Variants in RANBP17 observed in about 807,000 individuals in gnomAD.
RANBP17 encodes the protein ran-binding protein 17.
A neutral mutation model predicts 141.2 loss-of-function variants in RANBP17; 158 were observed. That is an observed-to-expected ratio of 1.12 (90% CI 0.98 to 1.28). The LOEUF is 1.28. Ranked by LOEUF, RANBP17 falls within the 50% of genes most tolerant of loss-of-function variation. The pLI, the probability that RANBP17 is intolerant of heterozygous loss-of-function variation, is 0.00. For missense variants in RANBP17, 1,438 were observed against 1,290.7 expected (o/e 1.11, Z -1.75); for synonymous variants, 430 against 450.0 (o/e 0.96, Z 0.56).
intron 12 of RANBP17, among the ~76,000 whole-genome samples, chr5:170,939,983 A>G (rs531731620): frequency 6.6e-6 from 1 of 152,336 alleles, no homozygotes; most frequent in East Asian, 1.9e-4. Flanking sequence ...TTAAAAGCCA[A>G]GAAAGGAAAA....
At chr5:171,075,023 C>T (rs750098370) in intron 14 of RANBP17, among the ~76,000 whole-genome samples, 16 of 152,026 alleles carry the variant, frequency 1.1e-4, no homozygotes, top group East Asian at 3.9e-4. Context: ...TTTATGCCGG[C>T]GGCTGCAAAA....
At chr5:170,942,762 C>T (rs1774430803) in intron 12 of RANBP17, among the ~76,000 whole-genome samples, 1 of 152,042 alleles carries the variant, frequency 6.6e-6, no homozygotes. Context: ...TATATGTTTT[C>T]ATATATATCA....
At chr5:170,913,864 ACT>A (rs1013405234) in intron 7 of RANBP17, among the ~76,000 whole-genome samples, 4 of 152,010 alleles carry the variant, frequency 2.6e-5, no homozygotes, top group African/African-American at 9.7e-5. Context: ...ACTTTTTGAT[ACT>A]GTTTGAATTC....
chr5:171,106,486 C>G (rs1212363594), intron 14 of RANBP17, among the ~76,000 whole-genome samples: 3 of 152,088 alleles, frequency 2.0e-5, no homozygotes. Flanking sequence ...CACTATATAG[C>G]CCACCAGTTA....
intron 21 of RANBP17, 89 bp downstream of exon 21, chr5:171,213,827 C>G: frequency 1.0e-6 from 1 of 959,326 alleles, no homozygotes; most frequent in Non-Finnish European, 1.7e-6. Context: ...TTGTGTCTTT[C>G]CAAGGTAGTT....
chr5:171,198,637 C>G (rs148331134), intron 18 of RANBP17, among the ~76,000 whole-genome samples: 301 of 152,324 alleles, frequency 2.0e-3, no homozygotes, highest in Non-Finnish European at 3.2e-3. Flanking sequence ...GGAACCTGGG[C>G]ATTTACATCT....
Position 171,221,856 on chromosome 5 carries a change from C to T in RANBP17, c.2422+16C>T, listed in dbSNP as rs1308822422. 5.1e-6 allele frequency: 7 copies of T among 1,383,700 alleles called. No homozygotes were observed. The highest frequency in any genetic ancestry group is 4.6e-5 in the East Asian group (2 of 43,748). 85.7% of individuals were successfully genotyped at this position (1,383,700 alleles called of 1,614,324 possible). On this transcript the variant is annotated intron_variant, in intron 22 of 27. Transcript: ENST00000523189. ...TGCACTTATGGTGAGTGTCCTTTTC[C>T]ATATGTGCCTCTGCAATATAGTTTT...
chr5:171,095,372 T>C (rs187931230), intron 14 of RANBP17, among the ~76,000 whole-genome samples: 7 of 152,302 alleles, frequency 4.6e-5, no homozygotes, highest in Admixed American at 4.6e-4. Flanking sequence ...GAAGAGAGGA[T>C]CACAACAGGT....
chr5:171,103,664 G>C (rs942929707), intron 14 of RANBP17, among the ~76,000 whole-genome samples: 2 of 152,018 alleles, frequency 1.3e-5, no homozygotes, highest in African/African-American at 4.8e-5. Context: ...AAAAAACCCT[G>C]CAGCTAGCTA....
intron 18 of RANBP17, among the ~76,000 whole-genome samples, chr5:171,195,210 A>C (rs990578095): frequency 6.6e-6 from 1 of 152,222 alleles, no homozygotes; most frequent in Non-Finnish European, 1.5e-5. Context: ...GAAAAAAACT[A>C]ACAGCTTCAA....
intron 21 of RANBP17, among the ~76,000 whole-genome samples, chr5:171,216,161 T>C (rs927264030): frequency 1.3e-5 from 2 of 152,066 alleles, no homozygotes; most frequent in Non-Finnish European, 2.9e-5. Flanking sequence ...AATAGGAGAT[T>C]TTTTCTCCAT....
chr5:171,151,999 G>C (rs901335247), intron 14 of RANBP17, among the ~76,000 whole-genome samples: 1 of 152,264 alleles, frequency 6.6e-6, no homozygotes, highest in African/African-American at 2.4e-5. Flanking sequence ...ATTCAAGAAT[G>C]TGAAGAATAG....
At position 171,290,367 on chromosome 5, in the gene RANBP17, C is replaced by CAA. The variant is rs535661442; in HGVS notation, c.2944-3503_2944-3502dup. On this transcript the variant is annotated intron_variant, in intron 25 of 27. Coordinates refer to ENST00000523189, the MANE Select transcript of RANBP17 (RefSeq NM_022897.5). ...TGGGCAACAGAGTAAGACTCCGTCT[C>CAA]AAAAAAAAAAAAAAGAAAGAAAGAA... 4.8e-3 allele frequency among the ~76,000 whole-genome samples: 494 copies of CAA among 102,638 alleles called. 3 individuals carry two copies. Among genetic ancestry groups the CAA allele is most frequent in the African/African-American group, 0.018 (476 of 27,128 alleles). 67.3% of individuals were successfully genotyped at this position (102,638 alleles called of 152,430 possible).
At chr5:171,271,891 A>G (rs1767138640) in intron 25 of RANBP17, among the ~76,000 whole-genome samples, 1 of 152,206 alleles carries the variant, frequency 6.6e-6, no homozygotes, top group Non-Finnish European at 1.5e-5. Flanking sequence ...AAGAAAAATA[A>G]TATTGGCAAA....
chr5:170,876,843 CA>C (rs147428687), intron 1 of RANBP17, among the ~76,000 whole-genome samples: 1,521 of 152,076 alleles, frequency 0.01, 61 homozygotes, highest in East Asian at 0.08. Context: ...CTAGAAAGGA[CA>C]AAAAAATTGC....
chr5:170,905,446 A>T (rs74721566), intron 5 of RANBP17, among the ~76,000 whole-genome samples: 1 of 152,150 alleles, frequency 6.6e-6, no homozygotes, highest in East Asian at 1.9e-4. Flanking sequence ...AGCCATGTGC[A>T]TAAAAAAATA....
intron 14 of RANBP17, among the ~76,000 whole-genome samples, chr5:170,986,514 A>G (rs1020526660): frequency 6.6e-6 from 1 of 151,938 alleles, no homozygotes; most frequent in African/African-American, 2.4e-5. Context: ...CCTGATGTTT[A>G]TTACACACTG....
At chr5:171,053,919 ATATAT>A (rs1783159998) in intron 14 of RANBP17, among the ~76,000 whole-genome samples, 2 of 43,408 alleles carry the variant, frequency 4.6e-5, no homozygotes, top group African/African-American at 1.2e-4. Context: ...ATATATATAT[ATATAT>A]AATTGCTGTA....
intron 12 of RANBP17, among the ~76,000 whole-genome samples, chr5:170,930,107 A>C (rs1444896124): frequency 2.0e-5 from 3 of 151,840 alleles, no homozygotes; most frequent in Non-Finnish European, 2.9e-5. Flanking sequence ...TTAGAGAACT[A>C]TTTTTAGTTT....
Sources: allele counts gnomAD v4.1 joint callset (sites outside exome capture counted in the v4.1 genomes callset), GRCh38; gene constraint gnomAD v4.1.1; transcripts MANE v1.5; gene names NCBI Gene and HGNC (gene_info 2026-07-23, HGNC 2026-07-21).